The following PDE10A variants were observed in gnomAD, a reference collection of about 807,000 sequenced individuals.
The protein encoded by PDE10A is phosphodiesterase 10A, also known as cAMP and cAMP-inhibited cGMP 3',5'-cyclic phosphodiesterase 10A.
In PDE10A, 39 loss-of-function variants were observed where a neutral mutation model predicts 97.7. The ratio of observed to expected loss-of-function variants is 0.40; its 90% confidence interval spans 0.31 to 0.52. The LOEUF (loss-of-function observed/expected upper bound fraction) is 0.52. PDE10A is among the 20% of genes least tolerant of loss of function. The pLI is 0.56. For synonymous variants in PDE10A, 371 were observed against 376.8 expected (o/e 0.98, Z 0.18); for missense variants, 731 against 1,047.8 (o/e 0.70, Z 4.17).
chr6:165,963,072 G>T (rs572110618), intron 1 of PDE10A, among the ~76,000 whole-genome samples: 20 of 152,314 alleles, frequency 1.3e-4, no homozygotes, highest in African/African-American at 4.3e-4. Flanking sequence ...TAACACAGAA[G>T]AACATATGAC....
chr6:165,339,426 G>A (rs1024149508), intron 19 of PDE10A, 68 bp from the exon 20 acceptor site: 12 of 949,418 alleles, frequency 1.3e-5, no homozygotes, highest in Middle Eastern at 2.1e-4. Context: ...TGATATTATT[G>A]AATTATTCCC....
intron 1 of PDE10A, chr6:165,545,355 A>C (rs1193920792): frequency 3.1e-6 from 1 of 319,502 alleles, no homozygotes; most frequent in East Asian, 9.1e-5. Context: ...TCTCCTTCTC[A>C]CTTCTTCCCA....
At chr6:165,902,331 A>C (rs973181919) in intron 1 of PDE10A, among the ~76,000 whole-genome samples, 8 of 152,218 alleles carry the variant, frequency 5.3e-5, no homozygotes, top group Non-Finnish European at 1.0e-4. Flanking sequence ...AAAAATGAGC[A>C]AGCGGCAAGC....
chr6:165,567,143 A>G (rs1784815617), intron 1 of PDE10A, among the ~76,000 whole-genome samples: 2 of 152,242 alleles, frequency 1.3e-5, no homozygotes, highest in African/African-American at 4.8e-5. Flanking sequence ...ACTGCATGGA[A>G]TAATATGAGT....
intron 1 of PDE10A, among the ~76,000 whole-genome samples, chr6:165,834,430 G>T (rs1780015347): frequency 6.6e-6 from 1 of 152,208 alleles, no homozygotes. Context: ...TGGCTGAGCT[G>T]GTGCCCCTGT....
intron 1 of PDE10A, among the ~76,000 whole-genome samples, chr6:165,950,134 G>T (rs1399768892): frequency 6.6e-6 from 1 of 152,088 alleles, no homozygotes; most frequent in Non-Finnish European, 1.5e-5. Context: ...AGTCAGATTG[G>T]CTTGAAAATA....
intron 1 of PDE10A, among the ~76,000 whole-genome samples, chr6:165,669,739 G>A (rs558870608): frequency 1.3e-5 from 2 of 152,140 alleles, no homozygotes; most frequent in East Asian, 3.9e-4. Context: ...TCTCTACCCG[G>A]GAATATTGTG....
chr6:165,542,612 CTTTTTTTTTT>C (rs545149187), intron 2 of PDE10A, among the ~76,000 whole-genome samples: 4,420 of 76,462 alleles, frequency 0.058, 242 homozygotes, highest in African/African-American at 0.17. Context: ...TGTCCTTGTT[CTTTTTTTTTT>C]TTTTTTTTTT....
intron 2 of PDE10A, among the ~76,000 whole-genome samples, chr6:165,542,094 C>A (rs1220441324): frequency 6.6e-6 from 1 of 151,912 alleles, no homozygotes; most frequent in Non-Finnish European, 1.5e-5. Flanking sequence ...ATAAAGTTTC[C>A]CCCAAATAGT....
chr6:165,791,101 T>C (rs564933021), intron 1 of PDE10A, among the ~76,000 whole-genome samples: 28 of 152,160 alleles, frequency 1.8e-4, no homozygotes, highest in Non-Finnish European at 2.9e-5. Context: ...CATACCACCA[T>C]GCCCAGCTAA....
chr6:165,452,714 A>G (rs1286209066), intron 3 of PDE10A, among the ~76,000 whole-genome samples: 1 of 152,166 alleles, frequency 6.6e-6, no homozygotes, highest in Non-Finnish European at 1.5e-5. Context: ...TTACAGCAGC[A>G]CAAAATGGAC....
chr6:165,508,275 A>T (rs191030438), intron 2 of PDE10A, among the ~76,000 whole-genome samples: 1 of 152,166 alleles, frequency 6.6e-6, no homozygotes, highest in Non-Finnish European at 1.5e-5. Context: ...TGTATATTAC[A>T]TTGCATTGCC....
chr6:165,689,987 T>A (rs564652839), intron 1 of PDE10A, among the ~76,000 whole-genome samples: 26 of 151,338 alleles, frequency 1.7e-4, no homozygotes, highest in Middle Eastern at 3.4e-3. Flanking sequence ...ATTTCACCAT[T>A]TTTTTTTAAC....
chr6:165,912,587 G>C (rs902470787), intron 1 of PDE10A, among the ~76,000 whole-genome samples: 1 of 152,222 alleles, frequency 6.6e-6, no homozygotes, highest in African/African-American at 2.4e-5. Context: ...CTGAAGTGCT[G>C]TCTAGTGTCA....
chr6:165,542,849 A>C (rs970029797), intron 2 of PDE10A, among the ~76,000 whole-genome samples: 5 of 151,220 alleles, frequency 3.3e-5, no homozygotes, highest in African/African-American at 1.2e-4. Flanking sequence ...CGATCTCCTG[A>C]CCTCGTGATC....
Position 165,817,548 on chromosome 6 carries a change from A to G in PDE10A, c.-615+169981T>C, listed in dbSNP as rs369762403. Among the ~76,000 whole-genome samples the G allele has an allele frequency of 2.0e-5, 3 of 152,242 alleles. No homozygotes were observed. The East Asian group carries it at 5.8e-4, about 29-fold the overall frequency. On this transcript the variant is annotated intron_variant, in intron 1 of 19. Transcript: ENST00000366882. ...GGCAATGTGGTGTACCCCTGACCCT[A>G]GGTGTCTTGACATGTTTCTACACCC...
At chr6:165,690,210 G>A (rs750501315) in intron 1 of PDE10A, among the ~76,000 whole-genome samples, 1 of 152,050 alleles carries the variant, frequency 6.6e-6, no homozygotes, top group Admixed American at 6.5e-5. Context: ...GTTTCAGCCC[G>A]AACTCCGCTC....
chr6:165,647,689 C>A (rs1184246434), intron 1 of PDE10A, among the ~76,000 whole-genome samples: 1 of 152,192 alleles, frequency 6.6e-6, no homozygotes. Context: ...CAAAGAAACA[C>A]CTTTCCCAGC....
chr6:165,422,426 C>T (rs1788782169), intron 10 of PDE10A, among the ~76,000 whole-genome samples: 1 of 143,678 alleles, frequency 7.0e-6, no homozygotes, highest in Non-Finnish European at 1.5e-5. Flanking sequence ...TATGCATACA[C>T]ACATACGCAT....
Sources: allele counts gnomAD v4.1 joint callset (sites outside exome capture counted in the v4.1 genomes callset), GRCh38; gene constraint gnomAD v4.1.1; transcripts MANE v1.5; gene names NCBI Gene and HGNC (gene_info 2026-07-23, HGNC 2026-07-21).